The following CHRM2 variants were observed in gnomAD, a reference collection of about 807,000 sequenced individuals.
CHRM2 encodes cholinergic receptor muscarinic 2, also known as muscarinic acetylcholine receptor M2.
A neutral mutation model predicts 25.0 loss-of-function variants in CHRM2; 8 were observed. The ratio of observed to expected loss-of-function variants is 0.32; its 90% confidence interval spans 0.19 to 0.58. The LOEUF (loss-of-function observed/expected upper bound fraction) is 0.58, where lower values mean the gene tolerates loss of function less well. CHRM2 is among the 20% of genes least tolerant of loss of function. CHRM2 has a pLI of 0.88. For synonymous variants in CHRM2, 202 were observed against 205.7 expected, an observed-to-expected ratio of 0.98 and a Z score of 0.15; for missense variants, 440 against 567.1, an observed-to-expected ratio of 0.78 and a Z score of 2.28.
intron 2 of CHRM2, among the ~76,000 whole-genome samples, chr7:136,894,224 G>A (rs1306549375): frequency 6.6e-6 from 1 of 152,080 alleles, no homozygotes. Context: ...ATGCACAAAT[G>A]AGAAATCATC....
intron 2 of CHRM2, among the ~76,000 whole-genome samples, chr7:136,960,634 A>G (rs1308054328): frequency 6.6e-6 from 1 of 152,252 alleles, no homozygotes; most frequent in African/African-American, 2.4e-5. Flanking sequence ...TATAAGTTGT[A>G]GAGTAACTGC....
intron 2 of CHRM2, among the ~76,000 whole-genome samples, chr7:136,991,222 T>G (rs1803205594): frequency 6.6e-6 from 1 of 152,120 alleles, no homozygotes; most frequent in Non-Finnish European, 1.5e-5. Context: ...GTCATGTAGT[T>G]TTTTCCCATA....
chr7:136,897,709 A>G (rs1480877531), intron 2 of CHRM2, among the ~76,000 whole-genome samples: 1 of 151,974 alleles, frequency 6.6e-6, no homozygotes, highest in Non-Finnish European at 1.5e-5. Flanking sequence ...AAAAAAAAAG[A>G]CAGACATGGA....
At chr7:136,959,535 T>C (rs1043688172) in intron 2 of CHRM2, among the ~76,000 whole-genome samples, 1 of 152,200 alleles carries the variant, frequency 6.6e-6, no homozygotes, top group Non-Finnish European at 1.5e-5. Context: ...TGTGCTTGAA[T>C]GTGAAGACAG....
chr7:136,929,638 G>A (rs985613609), intron 2 of CHRM2, among the ~76,000 whole-genome samples: 1 of 152,022 alleles, frequency 6.6e-6, no homozygotes, highest in African/African-American at 2.4e-5. Context: ...AGGACTTAGT[G>A]GATGGGTGAC....
intron 2 of CHRM2, among the ~76,000 whole-genome samples, chr7:136,917,885 ATTTTG>A (rs1310396420): frequency 2.0e-5 from 3 of 152,034 alleles, no homozygotes; most frequent in African/African-American, 7.2e-5. Flanking sequence ...GGATATGAAT[ATTTTG>A]TTTTGTTTTC....
chr7:136,979,086 A>G (rs188572753), intron 2 of CHRM2, among the ~76,000 whole-genome samples: 550 of 152,232 alleles, frequency 3.6e-3, no homozygotes, highest in Admixed American at 5.8e-3. Flanking sequence ...AAGCATTCCT[A>G]TTTCTCCACA....
chr7:136,996,300 A>T (rs1803599088), intron 3 of CHRM2, among the ~76,000 whole-genome samples: 1 of 152,104 alleles, frequency 6.6e-6, no homozygotes, highest in Non-Finnish European at 1.5e-5. Context: ...GATATAACAC[A>T]TGTAAAAACA....
At chr7:136,875,746 G>C (rs751718764) in intron 2 of CHRM2, among the ~76,000 whole-genome samples, 37 of 152,258 alleles carry the variant, frequency 2.4e-4, no homozygotes, top group Non-Finnish European at 4.3e-4. Flanking sequence ...TCATAGAGCT[G>C]TTTTGCCAGC....
intron 2 of CHRM2, among the ~76,000 whole-genome samples, chr7:136,930,828 C>T (rs191553667): frequency 3.8e-5 from 5 of 132,304 alleles, no homozygotes; most frequent in African/African-American, 1.1e-4. Flanking sequence ...ACCTGGGAGG[C>T]GGAGTTTGCA....
At chr7:136,989,583 G>T (rs772763075) in intron 2 of CHRM2, among the ~76,000 whole-genome samples, 99 of 152,112 alleles carry the variant, frequency 6.5e-4, no homozygotes, top group Non-Finnish European at 1.2e-3. Flanking sequence ...CTAGTCATAG[G>T]AATATGTATG....
At chr7:136,993,642 G>A (rs1422555440) in intron 3 of CHRM2, among the ~76,000 whole-genome samples, 1 of 152,060 alleles carries the variant, frequency 6.6e-6, no homozygotes, top group Non-Finnish European at 1.5e-5. Context: ...AAATAAGCTC[G>A]AGCTAGGAAG....
At chr7:136,922,057 G>A (rs1236055474) in intron 2 of CHRM2, among the ~76,000 whole-genome samples, 1 of 152,118 alleles carries the variant, frequency 6.6e-6, no homozygotes, top group Non-Finnish European at 1.5e-5. Flanking sequence ...ATAAGCCACT[G>A]TGCCCACCCC....
chr7:136,897,148 A>G (rs2130592449), intron 2 of CHRM2, among the ~76,000 whole-genome samples: 1 of 150,656 alleles, frequency 6.6e-6, no homozygotes, highest in African/African-American at 2.4e-5. Context: ...AAAAAAAAAG[A>G]AGACATAGAG....
intron 3 of CHRM2, among the ~76,000 whole-genome samples, chr7:137,010,934 G>A (rs990460574): frequency 1.3e-5 from 2 of 151,880 alleles, no homozygotes; most frequent in Non-Finnish European, 2.9e-5. Flanking sequence ...GTGTATAACT[G>A]CAAGGTAAGG....
chr7:137,016,249 A>T lies in CHRM2; in HGVS notation c.1384A>T (p.Ile462Leu). 6.2e-7 allele frequency: 1 copy of T among 1,612,810 alleles called. No individual in the cohort carries two copies. Among genetic ancestry groups the T allele is most frequent in the South Asian group, 1.1e-5 (1 of 91,056 alleles). The stretch of plus-strand genomic sequence containing the variant: ...CCTTCTCATGTGTCATTATAAGAAC[A>T]TAGGCGCTACAAGGTAAAATATCTT... ...KHLLMCHYKN[I>L]GATR The change falls in exon 4 of 4, where the codon ATA (isoleucine) becomes TTA (leucine). Residue 462 changes from isoleucine to leucine, a missense_variant. Ile to Leu is a conservative substitution (Grantham distance 5). This residue lies in a region of CHRM2 where 65 missense variants were observed against 108.9 expected (regional missense o/e 0.60). Transcript: ENST00000680005.
intron 2 of CHRM2, among the ~76,000 whole-genome samples, chr7:136,982,687 T>C (rs1056192503): frequency 1.3e-5 from 2 of 152,202 alleles, no homozygotes; most frequent in Non-Finnish European, 2.9e-5. Flanking sequence ...ATTTTATTTC[T>C]CCTTCACTTA....
intron 2 of CHRM2, among the ~76,000 whole-genome samples, chr7:136,977,981 C>G (rs1490744123): frequency 6.6e-6 from 1 of 151,944 alleles, no homozygotes; most frequent in Non-Finnish European, 1.5e-5. Flanking sequence ...TATTCCCGTA[C>G]CATTTACTGC....
chr7:136,928,872 T>C lies in CHRM2; in HGVS notation c.-125+59454T>C, dbSNP rs545462931. Among the ~76,000 whole-genome samples, 22 of 152,292 alleles carry C rather than the reference T, an allele frequency of 1.4e-4. No individual in the cohort carries two copies. The South Asian group carries it at 4.4e-3, about 30-fold the overall frequency. ...ATCTCTGAGAATAAGATTATGTAACTTGAGATGCAAATGGAAACAAAAATA... is the reference window on the plus strand; with the variant it reads ...ATCTCTGAGAATAAGATTATGTAACCTGAGATGCAAATGGAAACAAAAATA... On this transcript the variant is annotated intron_variant, in intron 2 of 3. Transcript: ENST00000680005.
Sources: gnomAD v4.1 joint callset for allele counts (sites outside exome capture counted in the v4.1 genomes callset) on GRCh38, gnomAD v4.1.1 for gene constraint, gnomAD v4.1.1 regional missense constraint, MANE v1.5 for transcripts, NCBI Gene and HGNC (gene_info 2026-07-23, HGNC 2026-07-21) for gene names.